FBXO36: variants seen among roughly 807,000 people sequenced by gnomAD.
FBXO36 encodes F-box protein 36, also known as F-box only protein 36.
In FBXO36, 18 loss-of-function variants were observed where a neutral mutation model predicts 17.0. The observed-to-expected ratio is 1.06, with a 90% CI of 0.73 to 1.57. The LOEUF is 1.57. FBXO36 is among the 40% of genes most tolerant of loss of function. The pLI is 0.00. For synonymous variants in FBXO36, 83 were observed against 85.3 expected, an observed-to-expected ratio of 0.97 and a Z score of 0.15; for missense variants, 229 against 221.9, an observed-to-expected ratio of 1.03 and a Z score of -0.20.
chr2:229,924,918 G>C (rs1459651483), intron 1 of FBXO36, among the ~76,000 whole-genome samples: 1 of 151,840 alleles, frequency 6.6e-6, no homozygotes, highest in Non-Finnish European at 1.5e-5. Context: ...ACAGGCGCCC[G>C]CCACCACGCC....
chr2:229,992,992 TC>T (rs1162430024), intron 2 of FBXO36, among the ~76,000 whole-genome samples: 1 of 152,146 alleles, frequency 6.6e-6, no homozygotes, highest in Non-Finnish European at 1.5e-5. Flanking sequence ...TTGCCCAAAT[TC>T]CTATCTGAGG....
At chr2:229,937,851 A>G (rs1031336267) in intron 1 of FBXO36, 1 of 152,002 alleles carries the variant, frequency 6.6e-6, no homozygotes, top group African/African-American at 2.4e-5. Context: ...TATCGTTTCA[A>G]TTTTTAGTAT....
chr2:230,000,485 T>G (rs1214775538), intron 3 of FBXO36, among the ~76,000 whole-genome samples: 1 of 151,784 alleles, frequency 6.6e-6, no homozygotes, highest in African/African-American at 2.4e-5. Context: ...TTGCAGGGCC[T>G]GGATTTGATT....
At chr2:229,985,626 TG>T (rs1203160714) in intron 2 of FBXO36, among the ~76,000 whole-genome samples, 1 of 152,220 alleles carries the variant, frequency 6.6e-6, no homozygotes, top group Non-Finnish European at 1.5e-5. Context: ...CCTGGGAGGC[TG>T]GCTCTGGGCT....
At chr2:229,972,871 G>A (rs139785234) in intron 1 of FBXO36, among the ~76,000 whole-genome samples, 2,990 of 151,970 alleles carry the variant, frequency 0.02, 94 homozygotes, top group African/African-American at 0.068. Context: ...AGACCAGCCT[G>A]GCCAACATGG....
chr2:229,963,683 A>G (rs550710517), intron 1 of FBXO36, among the ~76,000 whole-genome samples: 1 of 151,954 alleles, frequency 6.6e-6, no homozygotes, highest in Admixed American at 6.6e-5. Flanking sequence ...TGACCTTGTG[A>G]TCTACCCGCC....
At chr2:229,943,545 G>A (rs569826750) in intron 1 of FBXO36, among the ~76,000 whole-genome samples, 4 of 152,056 alleles carry the variant, frequency 2.6e-5, no homozygotes, top group Admixed American at 2.0e-4. Context: ...CATGGTGGCT[G>A]TGGTTATCAA....
chr2:230,000,851 C>CTTTTTTTTTTT (rs71049612), intron 3 of FBXO36, among the ~76,000 whole-genome samples: 1 of 89,486 alleles, frequency 1.1e-5, no homozygotes, highest in African/African-American at 4.1e-5. Context: ...AACCACTTTT[C>CTTTTTTTTTTT]TTTTTTTTTT....
chr2:229,999,316 G>A (rs575463233), intron 3 of FBXO36, among the ~76,000 whole-genome samples: 3 of 150,304 alleles, frequency 2.0e-5, no homozygotes, highest in East Asian at 3.9e-4. Context: ...TAGTACAGAC[G>A]GGGTTTCCCC....
intron 3 of FBXO36, 67 bp from the exon 4 acceptor site, chr2:230,010,629 A>G: frequency 7.0e-7 from 1 of 1,422,910 alleles, no homozygotes; most frequent in Non-Finnish European, 9.5e-7. Flanking sequence ...TCCCACAGGC[A>G]GCAAGAGTTT....
At chr2:229,975,320 C>T (rs914843449) in intron 1 of FBXO36, among the ~76,000 whole-genome samples, 6 of 152,112 alleles carry the variant, frequency 3.9e-5, no homozygotes, top group African/African-American at 1.4e-4. Context: ...CTCATCTTGT[C>T]TGTACCTGTA....
chr2:229,960,769 A>G (rs955616752), intron 1 of FBXO36, among the ~76,000 whole-genome samples: 2 of 152,196 alleles, frequency 1.3e-5, no homozygotes, highest in Non-Finnish European at 1.5e-5. Flanking sequence ...CACAACACCC[A>G]GCCTAGAATT....
At chr2:229,978,717 CTTG>C (rs1342259001) in intron 2 of FBXO36, among the ~76,000 whole-genome samples, 2 of 151,618 alleles carry the variant, frequency 1.3e-5, no homozygotes, top group African/African-American at 4.8e-5. Flanking sequence ...TTATAACATC[CTTG>C]TGAAATAAAT....
intron 1 of FBXO36, among the ~76,000 whole-genome samples, chr2:229,959,705 G>T (rs2077110761): frequency 6.6e-6 from 1 of 152,030 alleles, no homozygotes; most frequent in African/African-American, 2.4e-5. Context: ...AATTAGCTGA[G>T]CGTGGTGGTG....
chr2:230,003,528 GTTC>G (rs1434104991), intron 3 of FBXO36, among the ~76,000 whole-genome samples: 13 of 117,304 alleles, frequency 1.1e-4, no homozygotes, highest in African/African-American at 3.5e-4. Flanking sequence ...TGTTTCAGGT[GTTC>G]TTCTTCTTTT....
chr2:230,000,334 G>A (rs1192286051), intron 3 of FBXO36, among the ~76,000 whole-genome samples: 1 of 118,252 alleles, frequency 8.5e-6, no homozygotes, highest in Non-Finnish European at 1.6e-5. Context: ...CTGCAGCCTG[G>A]ACAACAGAGT....
At chr2:229,939,959 C>G (rs145763514) in intron 1 of FBXO36, among the ~76,000 whole-genome samples, 1 of 151,952 alleles carries the variant, frequency 6.6e-6, no homozygotes, top group Non-Finnish European at 1.5e-5. Flanking sequence ...GGCGCAGGCC[C>G]GTAGTCCCAG....
intron 1 of FBXO36, among the ~76,000 whole-genome samples, chr2:229,936,451 T>C (rs537215842): frequency 1.7e-4 from 26 of 152,328 alleles, no homozygotes; most frequent in African/African-American, 5.8e-4. Context: ...TGTTTACAAA[T>C]ATCTATGTAA....
At chr2:229,982,028 GT>G (rs551682845) in intron 2 of FBXO36, among the ~76,000 whole-genome samples, 22 of 144,412 alleles carry the variant, frequency 1.5e-4, no homozygotes, top group East Asian at 4.0e-4. Context: ...TTTTGTTTTT[GT>G]TTTTTTTTTT....
Sources: gnomAD v4.1 joint callset for allele counts (sites outside exome capture counted in the v4.1 genomes callset) on GRCh38, gnomAD v4.1.1 for gene constraint, MANE v1.5 for transcripts, NCBI Gene and HGNC (gene_info 2026-07-23, HGNC 2026-07-21) for gene names.